Variants in UNC13C observed in about 807,000 individuals in gnomAD.
UNC13C encodes the protein unc-13 homolog C.
A neutral mutation model predicts 245.4 loss-of-function variants in UNC13C; 174 were observed. The ratio of observed to expected loss-of-function variants is 0.71; its 90% confidence interval spans 0.63 to 0.80. The LOEUF (loss-of-function observed/expected upper bound fraction) is 0.80, where lower values mean the gene tolerates loss of function less well. UNC13C is among the 30% of genes least tolerant of loss of function. UNC13C has a pLI of 0.00. For synonymous variants in UNC13C, 992 were observed against 895.1 expected, an observed-to-expected ratio of 1.11 and a Z score of -1.93; for missense variants, 2,829 against 2,602.9, an observed-to-expected ratio of 1.09 and a Z score of -1.89.
chr15:54,590,682 G>A (rs1168719436), intron 30 of UNC13C, among the ~76,000 whole-genome samples: 17 of 152,154 alleles, frequency 1.1e-4, no homozygotes, highest in Non-Finnish European at 2.1e-4. Flanking sequence ...CCAGTTGTAT[G>A]CGCTTTCTGG....
chr15:54,595,522 T>G (rs1357585333), intron 30 of UNC13C, among the ~76,000 whole-genome samples: 6 of 152,304 alleles, frequency 3.9e-5, no homozygotes, highest in Admixed American at 3.9e-4. Flanking sequence ...GAGCTAAAAT[T>G]CACAGTGCAA....
Position 54,187,682 on chromosome 15 carries a change from C to A in UNC13C, c.3071+43998C>A, listed in dbSNP as rs367705864. On this transcript the variant is annotated intron_variant, in intron 4 of 32. Coordinates refer to ENST00000260323, the MANE Select transcript of UNC13C (RefSeq NM_001080534.3). The stretch of plus-strand genomic sequence containing the variant: ...ACATGATTTTTTTCTATAAAAATTT[C>A]TTCTGGCATCATATCTTTATAGCAC... Among the ~76,000 whole-genome samples the A allele has an allele frequency of 3.9e-5, 6 of 152,208 alleles. No homozygotes were observed. In the South Asian group the frequency reaches 1.0e-3, roughly 26 times the overall value.
chr15:53,904,155 T>C, the UNC13C span, among the ~76,000 whole-genome samples: 4 of 152,182 alleles, frequency 2.6e-5, no homozygotes, highest in African/African-American at 9.6e-5. Context: ...GGAAACTCTT[T>C]GGTTGGGGAA....
chr15:54,453,348 T>G (rs1050418556), intron 19 of UNC13C, among the ~76,000 whole-genome samples: 4 of 152,178 alleles, frequency 2.6e-5, no homozygotes, highest in Non-Finnish European at 5.9e-5. Context: ...GTCTCCTGTC[T>G]CTTATCTGTT....
In UNC13C at chr15:54,573,925, A is replaced by G. The variant is rs145568228; in HGVS notation, c.6106+5978A>G. ...TGAAATTTTGGTCTGAGGAGACAGA[A>G]AAGGCAGAGAGGTAGGTGAGTATAT... On this transcript the variant is annotated intron_variant, in intron 30 of 32. Transcript: ENST00000260323. 3.9e-3 allele frequency among the ~76,000 whole-genome samples: 597 copies of G among 152,344 alleles called. 4 individuals carry two copies. Among genetic ancestry groups the G allele is most frequent in the African/African-American group, 0.013 (550 of 41,584 alleles).
chr15:54,460,631 G>C (rs187185743), intron 19 of UNC13C, among the ~76,000 whole-genome samples: 2 of 152,336 alleles, frequency 1.3e-5, no homozygotes, highest in Admixed American at 1.3e-4. Context: ...CAGGCAATGG[G>C]CAGGGTCATA....
chr15:53,872,930 G>A, the UNC13C span, among the ~76,000 whole-genome samples: 1 of 152,142 alleles, frequency 6.6e-6, no homozygotes, highest in South Asian at 2.1e-4. Context: ...GTTTTGCCAT[G>A]TTCCATGGCT....
chr15:54,411,968 A>G (rs2040424611), intron 18 of UNC13C, among the ~76,000 whole-genome samples: 1 of 152,114 alleles, frequency 6.6e-6, no homozygotes, highest in African/African-American at 2.4e-5. Flanking sequence ...TCTTTTTTCA[A>G]TACTTCATAG....
intron 8 of UNC13C, among the ~76,000 whole-genome samples, chr15:54,260,605 G>A (rs2036398410): frequency 6.8e-6 from 1 of 147,506 alleles, no homozygotes; most frequent in African/African-American, 2.5e-5. Flanking sequence ...ATATATGTGT[G>A]TATGTATATG....
At chr15:53,915,833 ACAT>A in the UNC13C span, among the ~76,000 whole-genome samples, 1 of 152,208 alleles carries the variant, frequency 6.6e-6, no homozygotes, top group Admixed American at 6.5e-5. Context: ...ATTAGGGAAA[ACAT>A]CACATACAAA....
intron 4 of UNC13C, among the ~76,000 whole-genome samples, chr15:54,161,223 C>T (rs2032959380): frequency 6.6e-6 from 1 of 152,126 alleles, no homozygotes; most frequent in African/African-American, 2.4e-5. Flanking sequence ...CTCAGCCTCC[C>T]AAATAGCCGA....
chr15:54,313,135 G>C (rs747252874), intron 13 of UNC13C, among the ~76,000 whole-genome samples: 19 of 151,650 alleles, frequency 1.3e-4, no homozygotes, highest in Non-Finnish European at 2.8e-4. Flanking sequence ...AGGAATACTG[G>C]CCTAATGCTT....
chr15:54,610,299 G>T (rs922345760), intron 30 of UNC13C, among the ~76,000 whole-genome samples: 15 of 151,882 alleles, frequency 9.9e-5, no homozygotes, highest in African/African-American at 3.6e-4. Context: ...ACAGTGGCGC[G>T]ATCTCGGCTC....
At chr15:54,006,913 G>A (rs776392697) in intron 1 of UNC13C, among the ~76,000 whole-genome samples, 4 of 152,094 alleles carry the variant, frequency 2.6e-5, no homozygotes, top group Non-Finnish European at 5.9e-5. Context: ...TTTTGCACAG[G>A]GGCCCTCTTG....
At chr15:54,602,148 C>G (rs572008385) in intron 30 of UNC13C, among the ~76,000 whole-genome samples, 2 of 152,292 alleles carry the variant, frequency 1.3e-5, no homozygotes, top group Admixed American at 6.5e-5. Context: ...CCTCTGAGGA[C>G]CAAGAAAGCA....
intron 30 of UNC13C, chr15:54,609,329 T>A (rs376335316): frequency 2.6e-5 from 4 of 152,208 alleles, no homozygotes; most frequent in East Asian, 3.9e-4. Flanking sequence ...CCAATTTTCC[T>A]CTCAACACTG....
intron 1 of UNC13C, among the ~76,000 whole-genome samples, chr15:53,988,385 C>A (rs575388616): frequency 6.6e-5 from 10 of 151,788 alleles, no homozygotes; most frequent in Non-Finnish European, 1.5e-5. Flanking sequence ...AGACAAAATG[C>A]TTATGGGACA....
At chr15:53,874,891 C>T in the UNC13C span, among the ~76,000 whole-genome samples, 2 of 152,054 alleles carry the variant, frequency 1.3e-5, no homozygotes, top group Admixed American at 6.6e-5. Flanking sequence ...GTCAGGAGTT[C>T]GAGAACATAC....
chr15:53,969,760 AT>A, the UNC13C span, among the ~76,000 whole-genome samples: 1 of 151,872 alleles, frequency 6.6e-6, no homozygotes, highest in Admixed American at 6.6e-5. Context: ...CATCTTAAAC[AT>A]TTTTAAGTGC....
Sources: gnomAD v4.1 joint callset for allele counts (sites outside exome capture counted in the v4.1 genomes callset) on GRCh38, gnomAD v4.1.1 for gene constraint, MANE v1.5 for transcripts, NCBI Gene and HGNC (gene_info 2026-07-23, HGNC 2026-07-21) for gene names.